PRLR: variants seen among roughly 807,000 people sequenced by gnomAD.
PRLR encodes prolactin receptor.
PRLR carries 13 observed loss-of-function variants against 40.2 expected under a neutral mutation model. The ratio of observed to expected loss-of-function variants is 0.32; its 90% confidence interval spans 0.21 to 0.51. The LOEUF is 0.51. Among genes scored for constraint, PRLR ranks in the 20% least tolerant of loss-of-function variants. PRLR has a pLI of 0.97. For missense variants in PRLR, 656 were observed against 747.3 expected (o/e 0.88, Z 1.42); for synonymous variants, 269 against 278.7 (o/e 0.97, Z 0.35).
rs765998296 is a variant in PRLR, at chr5:35,156,127, T to TAAAAAAA, written c.-105-38012_-105-38006dup. Among the ~76,000 whole-genome samples the TAAAAAAA allele has an allele frequency of 2.5e-4, 26 of 103,778 alleles. 1 individual carries two copies. The highest frequency in any genetic ancestry group is 5.2e-3 in the Middle Eastern group (1 of 192). The allele number at this position is 103,778 out of a possible 152,430, so 68.1% of individuals were successfully genotyped here. ...TCTCCATCTCTCCAGTTGCTCAAGA[T>TAAAAAAA]AAAAAAAAAAAACAAAAAAAAAAAC... On this transcript the variant is annotated intron_variant, in intron 1 of 9. Coordinates refer to ENST00000618457, the MANE Select transcript of PRLR (RefSeq NM_000949.7).
intron 1 of PRLR, among the ~76,000 whole-genome samples, chr5:35,201,316 T>C (rs1240671365): frequency 6.6e-6 from 1 of 152,152 alleles, no homozygotes; most frequent in Non-Finnish European, 1.5e-5. Context: ...TAAAACATAG[T>C]ATATTTGCAA....
chr5:35,058,696 T>C lies in PRLR; in HGVS notation c.*6393A>G, dbSNP rs2112341862. ...TAAATTGTAAGTTATTAAGTAATGA[T>C]TTTCATTTGTATTACATGATGAGTT... On this transcript the variant is annotated 3_prime_UTR_variant, in exon 10 of 10. Transcript: ENST00000618457. 6.6e-6 allele frequency: 1 copy of C among 152,318 alleles called. No individual in the cohort carries two copies. The highest frequency in any genetic ancestry group is 2.4e-5 in the African/African-American group (1 of 41,574). 9.4% of individuals were successfully genotyped at this position (152,318 alleles called of 1,614,324 possible).
At chr5:35,213,979 G>A (rs372912676) in intron 1 of PRLR, among the ~76,000 whole-genome samples, 14 of 152,200 alleles carry the variant, frequency 9.2e-5, no homozygotes, top group African/African-American at 1.9e-4. Context: ...GTAGCTATGC[G>A]TTGACCGGCA....
intron 2 of PRLR, among the ~76,000 whole-genome samples, chr5:35,104,025 GGA>G (rs1294500373): frequency 6.6e-6 from 1 of 152,106 alleles, no homozygotes; most frequent in Non-Finnish European, 1.5e-5. Context: ...GTCAGTATGG[GGA>G]GAGCAGTAGA....
Position 35,056,030 on chromosome 5 carries a change from G to T in PRLR, c.*9059C>A, listed in dbSNP as rs1178238409. 1 of 152,128 alleles carries T rather than the reference G, an allele frequency of 6.6e-6. No individual in the cohort carries two copies. Among genetic ancestry groups the T allele is most frequent in the Non-Finnish European group, 1.5e-5 (1 of 68,014 alleles). The allele number at this position is 152,128 out of a possible 1,614,324, so 9.4% of individuals were successfully genotyped here. On this transcript the variant is annotated 3_prime_UTR_variant, in exon 10 of 10. Coordinates refer to ENST00000618457, the MANE Select transcript of PRLR (RefSeq NM_000949.7). ...GTATTCACCAATCAACATCCATGCG[G>T]TGTTTTATTTGACCCACATCCTCTT...
Position 35,154,663 on chromosome 5 carries a change from C to A in PRLR, c.-105-36541G>T, listed in dbSNP as rs529677522. 2.0e-5 allele frequency among the ~76,000 whole-genome samples: 3 copies of A among 152,230 alleles called. No homozygotes were observed. In the South Asian group the frequency reaches 6.2e-4, roughly 32 times the overall value. ...AGTATATACCCAAAGGAATATAAAC[C>A]ATTCTATTATAAAGATACATGCACA... On this transcript the variant is annotated intron_variant, in intron 1 of 9. Coordinates refer to ENST00000618457, the MANE Select transcript of PRLR (RefSeq NM_000949.7).
At position 35,065,378 on chromosome 5, in the gene PRLR, T is replaced by C. The variant is rs760880828; in HGVS notation, c.1580A>G (p.Gln527Arg). The C allele has an allele frequency of 6.2e-7, 1 of 1,614,198 alleles. No homozygotes were observed. The highest frequency in any genetic ancestry group is 1.1e-5 in the South Asian group (1 of 91,080). Residue 527 changes from glutamine to arginine, a missense_variant, in exon 10 of 10, where the codon CAG becomes CGG. This residue lies in a region of PRLR where 469 missense variants were observed against 491.5 expected (regional missense o/e 0.95). Coordinates refer to ENST00000618457, the MANE Select transcript of PRLR (RefSeq NM_000949.7). ...KDGALSLLPKQRENSGKPKKP... is the reference protein window; with the variant it reads ...KDGALSLLPKRRENSGKPKKP... ...CTTGGGCTTGCCGCTGTTCTCTCTC[T>C]GTTTTGGTAGCAATGATAATGCACC... is the stretch of plus-strand genomic sequence containing the variant.
chr5:35,135,374 C>T (rs3797212), intron 1 of PRLR: 8,915 of 152,288 alleles, frequency 0.059, 437 homozygotes, highest in African/African-American at 0.12. Context: ...CTCCACTCAG[C>T]GTGTACGCGT....
At chr5:35,195,445 C>G (rs1285141838) in intron 1 of PRLR, 7 of 152,282 alleles carry the variant, frequency 4.6e-5, no homozygotes, top group Admixed American at 4.6e-4. Context: ...ACCACTGATG[C>G]CCCAAACACA....
intron 5 of PRLR, among the ~76,000 whole-genome samples, chr5:35,083,667 G>C (rs181291656): frequency 0.028 from 4,310 of 151,394 alleles, 202 homozygotes; most frequent in African/African-American, 0.098. Context: ...TTACAGGCAC[G>C]CACCACCACA....
intron 1 of PRLR, among the ~76,000 whole-genome samples, chr5:35,147,246 C>A (rs1246816459): frequency 6.6e-6 from 1 of 152,172 alleles, no homozygotes; most frequent in Non-Finnish European, 1.5e-5. Flanking sequence ...ACTGAAATCT[C>A]CCTGAGATTT....
At chr5:35,156,288 A>G (rs566068406) in intron 1 of PRLR, among the ~76,000 whole-genome samples, 1 of 152,144 alleles carries the variant, frequency 6.6e-6, no homozygotes, top group Admixed American at 6.5e-5. Context: ...CCTTACTTGC[A>G]CCACCGAGGT....
At chr5:35,212,323 T>C (rs1449276642) in intron 1 of PRLR, among the ~76,000 whole-genome samples, 2 of 152,264 alleles carry the variant, frequency 1.3e-5, no homozygotes, top group African/African-American at 4.8e-5. Context: ...TTTTTGGTTA[T>C]ATTTAGCTGT....
At chr5:35,072,469 C>T in intron 6 of PRLR, 106 bp downstream of exon 6, 1 of 1,321,506 alleles carries the variant, frequency 7.6e-7, no homozygotes. Flanking sequence ...GCATTGGAGG[C>T]CAACACAGTG....
At chr5:35,127,933 G>T (rs1000805320) in intron 1 of PRLR, among the ~76,000 whole-genome samples, 29 of 151,986 alleles carry the variant, frequency 1.9e-4, no homozygotes, top group Non-Finnish European at 4.0e-4. Context: ...TTATAGTGAT[G>T]GTTGCACAAC....
intron 1 of PRLR, among the ~76,000 whole-genome samples, chr5:35,208,294 C>T (rs1776077218): frequency 6.6e-6 from 1 of 152,076 alleles, no homozygotes; most frequent in Non-Finnish European, 1.5e-5. Context: ...ATTCATGTTG[C>T]CATTTTCCTT....
At chr5:35,123,774 A>G (rs1008971947) in intron 1 of PRLR, among the ~76,000 whole-genome samples, 6 of 152,180 alleles carry the variant, frequency 3.9e-5, no homozygotes, top group African/African-American at 1.4e-4. Context: ...TTTATAGTAC[A>G]TTGACGCTTA....
At chr5:35,196,296 T>C (rs899193887) in intron 1 of PRLR, among the ~76,000 whole-genome samples, 2 of 151,990 alleles carry the variant, frequency 1.3e-5, no homozygotes, top group African/African-American at 4.8e-5. Context: ...CAAATGTATA[T>C]GGTAAGGTAA....
intron 1 of PRLR, among the ~76,000 whole-genome samples, chr5:35,187,216 C>T (rs1775464926): frequency 6.6e-6 from 1 of 152,112 alleles, no homozygotes; most frequent in African/African-American, 2.4e-5. Flanking sequence ...GTCTGGCCAA[C>T]ATGGTGAAAC....
Sources: gnomAD v4.1 joint callset for allele counts (sites outside exome capture counted in the v4.1 genomes callset) on GRCh38, gnomAD v4.1.1 for gene constraint, gnomAD v4.1.1 regional missense constraint, MANE v1.5 for transcripts, NCBI Gene and HGNC (gene_info 2026-07-23, HGNC 2026-07-21) for gene names.